GMDS: variants seen among roughly 807,000 people sequenced by gnomAD.
The protein encoded by GMDS is GDP-mannose 4,6-dehydratase.
In GMDS, 20 loss-of-function variants were observed where a neutral mutation model predicts 49.9. The observed-to-expected ratio is 0.40, with a 90% CI of 0.28 to 0.58. The LOEUF (loss-of-function observed/expected upper bound fraction) is 0.58, where lower values mean the gene tolerates loss of function less well. GMDS is among the 20% of genes least tolerant of loss of function. The probability of loss-of-function intolerance (pLI) is 0.42; values close to 1 mark genes in which losing one functional copy is unlikely to be tolerated. For synonymous variants in GMDS, 177 were observed against 178.6 expected (o/e 0.99, Z 0.07); for missense variants, 362 against 481.4 (o/e 0.75, Z 2.32).
chr6:1,691,861 T>G (rs1400377484), intron 9 of GMDS, among the ~76,000 whole-genome samples: 1 of 152,178 alleles, frequency 6.6e-6, no homozygotes, highest in Non-Finnish European at 1.5e-5. Flanking sequence ...TTTTTCATGT[T>G]TCTTTTGTTG....
intron 9 of GMDS, among the ~76,000 whole-genome samples, chr6:1,687,898 CT>C (rs1474551072): frequency 6.6e-6 from 1 of 152,080 alleles, no homozygotes; most frequent in Non-Finnish European, 1.5e-5. Context: ...ATGGAGAACA[CT>C]GTAAGCTGCG....
intron 4 of GMDS, among the ~76,000 whole-genome samples, chr6:2,032,647 A>G (rs1466531868): frequency 6.6e-6 from 1 of 152,158 alleles, no homozygotes; most frequent in Admixed American, 6.5e-5. Context: ...GCCCTTAGAA[A>G]GCTTATGAAA....
At chr6:1,720,392 A>G (rs566073075) in intron 9 of GMDS, among the ~76,000 whole-genome samples, 1 of 152,312 alleles carries the variant, frequency 6.6e-6, no homozygotes, top group South Asian at 2.1e-4. Flanking sequence ...AGTCCAAGGA[A>G]GGAAAAGGGC....
chr6:2,057,040 C>A (rs1204845341), intron 4 of GMDS, among the ~76,000 whole-genome samples: 1 of 152,152 alleles, frequency 6.6e-6, no homozygotes, highest in East Asian at 1.9e-4. Context: ...CAGTTCCTAG[C>A]CTGATGAGGA....
chr6:1,737,932 C>T (rs561729896), intron 8 of GMDS, among the ~76,000 whole-genome samples: 5 of 149,924 alleles, frequency 3.3e-5, no homozygotes, highest in African/African-American at 1.2e-4. Flanking sequence ...GATACATACA[C>T]ACCACACACA....
chr6:1,951,172 C>T (rs1466040197), intron 6 of GMDS, among the ~76,000 whole-genome samples: 4 of 151,842 alleles, frequency 2.6e-5, no homozygotes, highest in African/African-American at 9.7e-5. Context: ...GGAAAATTAC[C>T]CCAAATTTTA....
chr6:1,687,751 T>C (rs9647653), intron 9 of GMDS, among the ~76,000 whole-genome samples: 133,570 of 151,928 alleles, frequency 0.88, 58,975 homozygotes, highest in Middle Eastern at 0.95. Context: ...TGGGGAGCAG[T>C]CCTGCCCTCT....
intron 4 of GMDS, among the ~76,000 whole-genome samples, chr6:2,115,032 T>C (rs1419254291): frequency 1.3e-5 from 2 of 152,226 alleles, no homozygotes; most frequent in African/African-American, 2.4e-5. Context: ...TAAGAGTTAC[T>C]TGCTTTTATT....
intron 8 of GMDS, among the ~76,000 whole-genome samples, chr6:1,730,072 C>T (rs1229878207): frequency 1.3e-5 from 2 of 152,222 alleles, no homozygotes; most frequent in Middle Eastern, 3.4e-3. Context: ...ACACACTCCT[C>T]GTAGTGACCC....
intron 7 of GMDS, among the ~76,000 whole-genome samples, chr6:1,795,032 A>G (rs1769684895): frequency 6.6e-6 from 1 of 152,052 alleles, no homozygotes; most frequent in Non-Finnish European, 1.5e-5. Flanking sequence ...TCTACAAAAC[A>G]AAAACAAAAA....
chr6:1,758,996 C>T (rs1252223943), intron 7 of GMDS, among the ~76,000 whole-genome samples: 1 of 152,204 alleles, frequency 6.6e-6, no homozygotes, highest in Non-Finnish European at 1.5e-5. Flanking sequence ...GATCTCAGCT[C>T]ACTGCAACCT....
At chr6:1,840,600 C>T (rs1467013499) in intron 7 of GMDS, among the ~76,000 whole-genome samples, 1 of 152,172 alleles carries the variant, frequency 6.6e-6, no homozygotes, top group Non-Finnish European at 1.5e-5. Context: ...TGGGGAGCCC[C>T]TACGCTCAGT....
intron 9 of GMDS, among the ~76,000 whole-genome samples, chr6:1,697,165 T>C (rs926787550): frequency 5.9e-5 from 9 of 152,232 alleles, no homozygotes; most frequent in African/African-American, 2.2e-4. Flanking sequence ...TTCCTACGTA[T>C]GCCTCCTGAG....
chr6:2,158,123 G>T (rs750093101), intron 1 of GMDS, among the ~76,000 whole-genome samples: 10 of 152,052 alleles, frequency 6.6e-5, no homozygotes, highest in Non-Finnish European at 1.3e-4. Context: ...TCATCACCTT[G>T]CTGGTTCCAG....
At chr6:1,695,203 G>A (rs191238624) in intron 9 of GMDS, among the ~76,000 whole-genome samples, 199 of 152,310 alleles carry the variant, frequency 1.3e-3, no homozygotes, top group Non-Finnish European at 1.0e-3. Flanking sequence ...ACTAGGTGAC[G>A]TGGAGAATCC....
intron 7 of GMDS, among the ~76,000 whole-genome samples, chr6:1,866,513 C>T (rs1432185308): frequency 1.3e-5 from 2 of 152,192 alleles, no homozygotes; most frequent in African/African-American, 2.4e-5. Context: ...TATTAAAGGG[C>T]AGGTCTCAGT....
intron 9 of GMDS, among the ~76,000 whole-genome samples, chr6:1,683,754 C>T (rs62388268): frequency 0.13 from 19,449 of 152,196 alleles, 1,661 homozygotes; most frequent in Non-Finnish European, 0.18. Flanking sequence ...ACACGTTCAA[C>T]TTTTCATAAC....
chr6:1,678,156 T>C (rs1049885123), intron 9 of GMDS, among the ~76,000 whole-genome samples: 2 of 152,086 alleles, frequency 1.3e-5, no homozygotes, highest in African/African-American at 4.8e-5. Context: ...TTGCGTGAGT[T>C]TTACCCCTTA....
At chr6:2,240,332 T>C (rs1166041368) in intron 1 of GMDS, among the ~76,000 whole-genome samples, 1 of 152,164 alleles carries the variant, frequency 6.6e-6, no homozygotes, top group Non-Finnish European at 1.5e-5. Flanking sequence ...GGAGGGAAGG[T>C]CCATTCCAGT....
Sources: gnomAD v4.1 joint callset for allele counts (sites outside exome capture counted in the v4.1 genomes callset) on GRCh38, gnomAD v4.1.1 for gene constraint, MANE v1.5 for transcripts, NCBI Gene and HGNC (gene_info 2026-07-23, HGNC 2026-07-21) for gene names.